BPIFB4: variants seen among roughly 807,000 people sequenced by gnomAD.
BPIFB4 encodes the protein BPI fold containing family B member 4.
BPIFB4 carries 62 observed loss-of-function variants against 69.2 expected under a neutral mutation model. The ratio of observed to expected loss-of-function variants is 0.90; its 90% CI spans 0.73 to 1.11. BPIFB4 has a LOEUF of 1.11. Among genes scored for constraint, BPIFB4 ranks in the 50% least tolerant of loss-of-function variants. The pLI is 0.00. For missense variants in BPIFB4, 789 were observed against 792.0 expected, an observed-to-expected ratio of 1.00 and a Z score of 0.04; for synonymous variants, 330 against 332.7, an observed-to-expected ratio of 0.99 and a Z score of 0.09.
chr20:33,100,627 G>T, intron 14 of BPIFB4, 134 bp downstream of exon 14: 2 of 730,516 alleles, frequency 2.7e-6, no homozygotes, highest in South Asian at 2.1e-5. Flanking sequence ...GGTGACGATG[G>T]CTCATGCCTA....
At position 33,094,510 on chromosome 20, in the gene BPIFB4, C is replaced by CT. The variant is rs59777915; in HGVS notation, c.1345-576dup. On this transcript the variant is annotated intron_variant, in intron 11 of 17. Transcript: ENST00000375483. Reference sequence around the variant, plus strand: ...TTGTTTCTTTTCTTTTTCTTTCTTTCTTTTTTTTTTTTTTGAGACAGAATC... The same window carrying CT: ...TTGTTTCTTTTCTTTTTCTTTCTTTCTTTTTTTTTTTTTTTGAGACAGAATC... 1.9e-3 allele frequency among the ~76,000 whole-genome samples: 262 copies of CT among 140,896 alleles called. 1 individual carries two copies. The highest frequency in any genetic ancestry group is 4.8e-3 in the African/African-American group (185 of 38,178). The allele number at this position is 140,896 out of a possible 152,430, so 92.4% of individuals were successfully genotyped here.
rs192955890 is a variant in BPIFB4 at position 33,087,865 on chromosome 20, T to C, written c.927-1101T>C. Among the ~76,000 whole-genome samples, 136 of 152,192 alleles carry C rather than the reference T, an allele frequency of 8.9e-4. 1 individual carries two copies. The highest frequency in any genetic ancestry group is 3.1e-3 in the African/African-American group (129 of 41,534). ...AATCCACTTAAAAGGGGGACCGAAA[T>C]GCATAGTTAGCTTTGGGAGAAATGT... On this transcript the variant is annotated intron_variant, in intron 7 of 17. Coordinates refer to ENST00000375483, the MANE Select transcript of BPIFB4 (RefSeq NM_182519.3).
intron 17 of BPIFB4, among the ~76,000 whole-genome samples, chr20:33,109,341 C>A (rs757368611): frequency 6.6e-6 from 1 of 152,188 alleles, no homozygotes; most frequent in African/African-American, 2.4e-5. Context: ...ATGTTCAGTG[C>A]CCCATACATA....
intron 16 of BPIFB4, among the ~76,000 whole-genome samples, chr20:33,107,077 G>A (rs1178693311): frequency 6.6e-6 from 1 of 151,976 alleles, no homozygotes; most frequent in Non-Finnish European, 1.5e-5. Flanking sequence ...GGTGGCGCAC[G>A]CCTGTAGTCC....
intron 12 of BPIFB4, among the ~76,000 whole-genome samples, chr20:33,096,799 G>A (rs79152157): frequency 0.035 from 5,297 of 152,310 alleles, 144 homozygotes; most frequent in African/African-American, 0.082. Context: ...TGGGCTGCAC[G>A]GAGTCACCAG....
chr20:33,082,915 C>T (rs1017381264), intron 3 of BPIFB4, 23 bp from the exon 4 acceptor site: 2 of 1,605,784 alleles, frequency 1.2e-6, no homozygotes, highest in Admixed American at 3.3e-5. Flanking sequence ...GAACCCTGGA[C>T]TGATGCCCTT....
At chr20:33,111,341 TA>T in intron 17 of BPIFB4, 72 bp from the exon 18 acceptor site, 4 of 1,586,216 alleles carry the variant, frequency 2.5e-6, no homozygotes, top group Non-Finnish European at 3.5e-6. Flanking sequence ...GCCAGATCCG[TA>T]GGCAGGTGAG....
chr20:33,104,685 C>A, intron 15 of BPIFB4, 125 bp from the exon 16 acceptor site: 1 of 833,384 alleles, frequency 1.2e-6, no homozygotes, highest in Non-Finnish European at 1.8e-6. Context: ...GTTCTGACTG[C>A]CAGAACCTAG....
intron 7 of BPIFB4, among the ~76,000 whole-genome samples, chr20:33,086,849 G>A (rs927013924): frequency 6.6e-6 from 1 of 152,210 alleles, no homozygotes; most frequent in Non-Finnish European, 1.5e-5. Flanking sequence ...CTGTCCCCAG[G>A]TGGTGCTCTT....
chr20:33,091,207 C>T (rs925671715), intron 10 of BPIFB4, among the ~76,000 whole-genome samples: 4 of 152,216 alleles, frequency 2.6e-5, no homozygotes, highest in African/African-American at 9.6e-5. Context: ...ATTGGGTGTA[C>T]TGGAGGAATA....
At position 33,090,690 on chromosome 20, in the gene BPIFB4, C is replaced by T. The variant is rs765038976; in HGVS notation, c.1052-18C>T. The T allele has an allele frequency of 3.1e-6, 5 of 1,613,446 alleles. No homozygotes were observed. In the Admixed American group the frequency reaches 5.0e-5, roughly 16 times the overall value. ...GATGGTGAGGGGACCTCCCTGTGAC[C>T]CTCTCCTTTGCCTGCAGCTCTGATT... On this transcript the variant is annotated intron_variant, in intron 9 of 17. Transcript: ENST00000375483.
At chr20:33,089,659 G>C (rs1981540762) in intron 9 of BPIFB4, 101 bp downstream of exon 9, 1 of 1,574,410 alleles carries the variant, frequency 6.4e-7, no homozygotes, top group African/African-American at 1.4e-5. Context: ...CCTGCCCTTA[G>C]GCCCTTGAAG....
chr20:33,110,484 C>T lies in BPIFB4; in HGVS notation c.1822-930C>T, dbSNP rs147706566. Among the ~76,000 whole-genome samples the T allele has an allele frequency of 6.6e-4, 101 of 152,264 alleles. 1 individual carries two copies. The Middle Eastern group carries it at 0.024, about 36-fold the overall frequency. On this transcript the variant is annotated intron_variant, in intron 17 of 17. Transcript: ENST00000375483. Reference sequence around the variant, plus strand: ...AAAATTACTATTTTTCCCTTAGTAGCTAATCAATCTCTTGTGAGGAGGTAC... The same window carrying T: ...AAAATTACTATTTTTCCCTTAGTAGTTAATCAATCTCTTGTGAGGAGGTAC...
At chr20:33,092,707 C>T (rs951410742) in intron 11 of BPIFB4, 49 bp downstream of exon 11, 2 of 1,516,700 alleles carry the variant, frequency 1.3e-6, no homozygotes, top group Non-Finnish European at 1.8e-6. Context: ...CAGACAGCTG[C>T]CAGTGACCCT....
chr20:33,110,481 T>C (rs1017959109), intron 17 of BPIFB4, among the ~76,000 whole-genome samples: 1 of 152,224 alleles, frequency 6.6e-6, no homozygotes. Flanking sequence ...TTTCCCTTAG[T>C]AGCTAATCAA....
At chr20:33,103,113 G>A in intron 15 of BPIFB4, 99 bp downstream of exon 15, 1 of 1,391,132 alleles carries the variant, frequency 7.2e-7, no homozygotes, top group Non-Finnish European at 1.0e-6. Flanking sequence ...CTGGGCATGG[G>A]GAGTTTGTGA....
At position 33,083,392 on chromosome 20, in the gene BPIFB4, C is replaced by A; in HGVS notation, c.195C>A (p.Asp65Glu). The A allele has an allele frequency of 6.2e-7, 1 of 1,613,452 alleles. No individual in the cohort carries two copies. Among genetic ancestry groups the A allele is most frequent in the Non-Finnish European group, 8.5e-7 (1 of 1,179,630 alleles). The change falls in exon 5 of 18, where the codon GAC becomes GAA. Residue 65 changes from aspartate to glutamate, a missense_variant. Coordinates refer to ENST00000375483, the MANE Select transcript of BPIFB4 (RefSeq NM_182519.3). ...PLGVGDIPYN[D>E]FHVRGPPPVY... Reference sequence around the variant, plus strand: ...GTGTTGGTGATATTCCCTACAATGACTTCCATGTCCGAGGACCCCCCCCAG... The same window carrying A: ...GTGTTGGTGATATTCCCTACAATGAATTCCATGTCCGAGGACCCCCCCCAG...
At chr20:33,084,410 T>C (rs1483702226) in intron 5 of BPIFB4, among the ~76,000 whole-genome samples, 5 of 152,148 alleles carry the variant, frequency 3.3e-5, no homozygotes, top group African/African-American at 9.7e-5. Flanking sequence ...AGCCTAAACA[T>C]AACCATGCAG....
intron 13 of BPIFB4, among the ~76,000 whole-genome samples, chr20:33,098,985 CTT>C (rs765813463): frequency 5.7e-5 from 8 of 141,528 alleles, no homozygotes; most frequent in African/African-American, 1.8e-4. Context: ...CCCTTACTTC[CTT>C]TTTTTTTTTT....
Sources: gnomAD v4.1 joint callset for allele counts (sites outside exome capture counted in the v4.1 genomes callset) on GRCh38, gnomAD v4.1.1 for gene constraint, MANE v1.5 for transcripts, NCBI Gene and HGNC (gene_info 2026-07-23, HGNC 2026-07-21) for gene names.